The following CHST11 variants were observed in gnomAD, a reference collection of about 807,000 sequenced individuals.
CHST11 encodes the protein carbohydrate sulfotransferase 11, also known as C4S-1.
A neutral mutation model predicts 30.4 loss-of-function variants in CHST11; 9 were observed. That is an observed-to-expected ratio of 0.30 (90% CI 0.18 to 0.52). The LOEUF (loss-of-function observed/expected upper bound fraction) is 0.52, where lower values mean the gene tolerates loss of function less well. CHST11 is among the 20% of genes least tolerant of loss of function. The pLI, the probability that CHST11 is intolerant of heterozygous loss-of-function variation, is 0.97. For missense variants in CHST11, 348 were observed against 460.6 expected, an observed-to-expected ratio of 0.76 and a Z score of 2.24; for synonymous variants, 152 against 187.8, an observed-to-expected ratio of 0.81 and a Z score of 1.56.
In CHST11 at chr12:104,589,870, G is replaced by A. The variant is rs959878895; in HGVS notation, c.119-12036G>A. ...ACGAAAATACAAAAATTAGCTGGGC[G>A]TGGTGGCACATGCCTGTAATCCCAG... On this transcript the variant is annotated intron_variant, in intron 1 of 2. Coordinates refer to ENST00000303694, the MANE Select transcript of CHST11 (RefSeq NM_018413.6). 5.3e-5 allele frequency among the ~76,000 whole-genome samples: 8 copies of A among 152,170 alleles called. No homozygotes were observed. The East Asian group carries it at 9.7e-4, about 18-fold the overall frequency.
At chr12:104,621,755 A>G (rs1385528284) in intron 2 of CHST11, among the ~76,000 whole-genome samples, 1 of 152,206 alleles carries the variant, frequency 6.6e-6, no homozygotes, top group Non-Finnish European at 1.5e-5. Flanking sequence ...TGACTTTAGG[A>G]CTTGTGACCT....
At chr12:104,696,482 C>CAAAAAAA (rs10602668) in intron 2 of CHST11, among the ~76,000 whole-genome samples, 252 of 69,116 alleles carry the variant, frequency 3.6e-3, no homozygotes, top group Middle Eastern at 0.011. Context: ...GCTAAAAATA[C>CAAAAAAA]AAAAAAAAAA....
At chr12:104,726,506 C>G (rs950794709) in intron 2 of CHST11, among the ~76,000 whole-genome samples, 1 of 152,146 alleles carries the variant, frequency 6.6e-6, no homozygotes, top group African/African-American at 2.4e-5. Context: ...TAGACTCTTT[C>G]CACAGAACAA....
At chr12:104,635,863 A>G (rs533245375) in intron 2 of CHST11, among the ~76,000 whole-genome samples, 1 of 152,310 alleles carries the variant, frequency 6.6e-6, no homozygotes, top group African/African-American at 2.4e-5. Flanking sequence ...ATGTATCCAT[A>G]ATAATTACAA....
chr12:104,494,339 G>A (rs945743435), intron 1 of CHST11, among the ~76,000 whole-genome samples: 3 of 152,150 alleles, frequency 2.0e-5, no homozygotes, highest in Non-Finnish European at 2.9e-5. Flanking sequence ...TCTATAGCCC[G>A]TCACTGCCTT....
chr12:104,593,634 C>T (rs1403260786), intron 1 of CHST11, among the ~76,000 whole-genome samples: 3 of 152,164 alleles, frequency 2.0e-5, no homozygotes, highest in Admixed American at 1.3e-4. Context: ...GTCCCATTTC[C>T]CAGGAGTGGG....
chr12:104,613,930 G>C lies in CHST11; in HGVS notation c.204+11939G>C, dbSNP rs984209357. ...GGAGATGTTGGTCAAGGGGTACAAAGTTTCATTAGATAGAATGAATAAATT... is the reference window on the plus strand; with the variant it reads ...GGAGATGTTGGTCAAGGGGTACAAACTTTCATTAGATAGAATGAATAAATT... On this transcript the variant is annotated intron_variant, in intron 2 of 2. Coordinates refer to ENST00000303694, the MANE Select transcript of CHST11 (RefSeq NM_018413.6). Among the ~76,000 whole-genome samples, 5 of 152,186 alleles carry C rather than the reference G, an allele frequency of 3.3e-5. No homozygotes were observed. The East Asian group carries it at 9.6e-4, about 29-fold the overall frequency.
intron 2 of CHST11, among the ~76,000 whole-genome samples, chr12:104,617,978 G>A (rs1035165853): frequency 2.7e-5 from 4 of 150,928 alleles, no homozygotes; most frequent in Admixed American, 6.6e-5. Flanking sequence ...GTGCGATCTC[G>A]GCTCACTGCA....
intron 2 of CHST11, among the ~76,000 whole-genome samples, chr12:104,746,211 C>T (rs956493789): frequency 2.6e-5 from 4 of 152,206 alleles, no homozygotes; most frequent in African/African-American, 9.7e-5. Flanking sequence ...GGTTCATTCC[C>T]ATTCAAGGTG....
intron 2 of CHST11, among the ~76,000 whole-genome samples, chr12:104,603,909 T>C (rs1046976809): frequency 2.6e-5 from 4 of 152,208 alleles, no homozygotes; most frequent in Non-Finnish European, 5.9e-5. Context: ...TCCTGTGGAG[T>C]TTGCTCCTTC....
chr12:104,485,774 T>C (rs1295558130), intron 1 of CHST11, among the ~76,000 whole-genome samples: 1 of 151,560 alleles, frequency 6.6e-6, no homozygotes, highest in Non-Finnish European at 1.5e-5. Flanking sequence ...GGACTTATCA[T>C]GAGTTCTTGA....
chr12:104,486,365 T>C (rs1413202842), intron 1 of CHST11, among the ~76,000 whole-genome samples: 2 of 151,780 alleles, frequency 1.3e-5, no homozygotes, highest in African/African-American at 4.8e-5. Context: ...CTCTGTCGAA[T>C]GGCTGTTTGG....
At chr12:104,625,673 C>A (rs1487293483) in intron 2 of CHST11, among the ~76,000 whole-genome samples, 2 of 152,178 alleles carry the variant, frequency 1.3e-5, no homozygotes, top group Non-Finnish European at 2.9e-5. Flanking sequence ...CTGAAAAAAG[C>A]AAAATTTCTG....
intron 2 of CHST11, among the ~76,000 whole-genome samples, chr12:104,646,584 T>C (rs1380987449): frequency 1.3e-5 from 2 of 152,066 alleles, no homozygotes; most frequent in African/African-American, 4.8e-5. Context: ...ATACAAAAAA[T>C]AGCTGGGCAT....
In CHST11 at chr12:104,713,849, G is replaced by A. The variant is rs2040107587; in HGVS notation, c.205-43100G>A. 2.6e-5 allele frequency among the ~76,000 whole-genome samples: 4 copies of A among 152,234 alleles called. No individual in the cohort carries two copies. The East Asian group carries it at 5.8e-4, about 22-fold the overall frequency. On this transcript the variant is annotated intron_variant, in intron 2 of 2. Coordinates refer to ENST00000303694, the MANE Select transcript of CHST11 (RefSeq NM_018413.6). ...ATGAGCAGAGGCTGCCTGAAGAGTTGGAGCAGCAGGCGAGGCTAGGGTGTA... is the reference window on the plus strand; with the variant it reads ...ATGAGCAGAGGCTGCCTGAAGAGTTAGAGCAGCAGGCGAGGCTAGGGTGTA...
chr12:104,684,302 G>GGATGGATGGATA lies in CHST11; in HGVS notation c.205-72644_205-72643insGGATGGATAGAT, dbSNP rs1281754026. Reference sequence around the variant, plus strand: ...TGGATGGATGGATGGATGGATGGATGGATAGATGGGTGAGTGAGTGGATGG... The same window carrying GGATGGATGGATA: ...TGGATGGATGGATGGATGGATGGATGGATGGATGGATAGATAGATGGGTGAGTGAGTGGATGG... On this transcript the variant is annotated intron_variant, in intron 2 of 2. Transcript: ENST00000303694. 2.6e-4 allele frequency among the ~76,000 whole-genome samples: 40 copies of GGATGGATGGATA among 151,008 alleles called. 1 individual carries two copies. Among genetic ancestry groups the GGATGGATGGATA allele is most frequent in the Admixed American group, 1.9e-3 (29 of 15,172 alleles).
At chr12:104,471,138 G>C (rs1240326363) in intron 1 of CHST11, among the ~76,000 whole-genome samples, 1 of 152,102 alleles carries the variant, frequency 6.6e-6, no homozygotes, top group South Asian at 2.1e-4. Flanking sequence ...CAGAATGAGG[G>C]GATAGATGTC....
At chr12:104,647,393 A>AT in intron 2 of CHST11, among the ~76,000 whole-genome samples, 1 of 152,302 alleles carries the variant, frequency 6.6e-6, no homozygotes, top group South Asian at 2.1e-4. Flanking sequence ...TTTTAGCTAT[A>AT]TTTTTTTCAA....
intron 1 of CHST11, among the ~76,000 whole-genome samples, chr12:104,462,974 A>T (rs2037424074): frequency 6.6e-6 from 1 of 152,170 alleles, no homozygotes; most frequent in South Asian, 2.1e-4. Flanking sequence ...GCACCACAGA[A>T]AGGGTGGTTT....
Sources: allele counts gnomAD v4.1 joint callset (sites outside exome capture counted in the v4.1 genomes callset), GRCh38; gene constraint gnomAD v4.1.1; transcripts MANE v1.5; gene names NCBI Gene and HGNC (gene_info 2026-07-23, HGNC 2026-07-21).